Variants in EYS observed in about 807,000 individuals in gnomAD.
The protein encoded by EYS is EGF-like photoreceptor maintenance factor, also known as protein eyes shut homolog.
EYS carries 250 observed loss-of-function variants against 282.1 expected under a neutral mutation model. The ratio of observed to expected loss-of-function variants is 0.89; its 90% confidence interval spans 0.80 to 0.98. The LOEUF is 0.98. Ranked by LOEUF, EYS falls within the 50% of genes least tolerant of loss-of-function variation. The probability of loss-of-function intolerance (pLI) is 0.00; values close to 1 mark genes in which losing one functional copy is unlikely to be tolerated. For synonymous variants in EYS, 1,355 were observed against 1,282.9 expected, an observed-to-expected ratio of 1.06 and a Z score of -1.20; for missense variants, 4,016 against 3,709.0, an observed-to-expected ratio of 1.08 and a Z score of -2.15.
intron 7 of EYS, among the ~76,000 whole-genome samples, chr6:65,392,252 T>C (rs549663229): frequency 1.8e-3 from 273 of 151,768 alleles, no homozygotes; most frequent in African/African-American, 6.4e-3. Flanking sequence ...ATTCAGGACA[T>C]AGGCATGGGC....
intron 30 of EYS, among the ~76,000 whole-genome samples, chr6:64,287,141 C>T (rs1768531207): frequency 6.6e-6 from 1 of 152,052 alleles, no homozygotes; most frequent in African/African-American, 2.4e-5. Context: ...GAAAAGTAAC[C>T]TTAAAAAGCC....
intron 37 of EYS, 33 bp downstream of exon 37, chr6:63,806,157 G>A: frequency 6.6e-7 from 1 of 1,514,110 alleles, no homozygotes; most frequent in Non-Finnish European, 8.9e-7. Context: ...TTAAAGGAGC[G>A]AGGCAAGTCC....
intron 30 of EYS, among the ~76,000 whole-genome samples, chr6:64,266,958 A>G (rs1214171295): frequency 6.6e-6 from 1 of 152,192 alleles, no homozygotes; most frequent in African/African-American, 2.4e-5. Context: ...GCACTTGCTT[A>G]TGGGCTATGT....
intron 31 of EYS, among the ~76,000 whole-genome samples, chr6:64,090,332 T>C (rs1772312054): frequency 6.6e-6 from 1 of 152,166 alleles, no homozygotes; most frequent in South Asian, 2.1e-4. Context: ...AGAGCCTGAC[T>C]TAACATATTC....
Position 64,267,372 on chromosome 6 carries a change from T to A in EYS, c.6192-36548A>T, listed in dbSNP as rs376720954. Among the ~76,000 whole-genome samples the A allele has an allele frequency of 1.1e-4, 16 of 152,154 alleles. No homozygotes were observed. The East Asian group carries it at 2.7e-3, about 26-fold the overall frequency. On this transcript the variant is annotated intron_variant, in intron 30 of 42. Coordinates refer to ENST00000503581, the MANE Select transcript of EYS (RefSeq NM_001142800.2). ...TATTTGCTCTGTTATCTCTTTCCCT[T>A]CTTACTAACTCTCCCACCCATACTT...
At chr6:64,368,441 T>C (rs1440030024) in intron 29 of EYS, among the ~76,000 whole-genome samples, 1 of 152,148 alleles carries the variant, frequency 6.6e-6, no homozygotes, top group Non-Finnish European at 1.5e-5. Context: ...ATTTATATTC[T>C]TCTAGGAATC....
At chr6:64,086,946 A>T (rs1052089853) in intron 31 of EYS, among the ~76,000 whole-genome samples, 1 of 152,166 alleles carries the variant, frequency 6.6e-6, no homozygotes, top group African/African-American at 2.4e-5. Flanking sequence ...CTGCACATGC[A>T]TCAACTTTTA....
chr6:65,321,763 G>C (rs1219156864), intron 11 of EYS, among the ~76,000 whole-genome samples: 1 of 152,194 alleles, frequency 6.6e-6, no homozygotes, highest in Non-Finnish European at 1.5e-5. Context: ...GCACAAAGAT[G>C]TTGTGTGAGC....
chr6:64,536,129 A>C (rs1764510181), intron 26 of EYS, among the ~76,000 whole-genome samples: 1 of 152,142 alleles, frequency 6.6e-6, no homozygotes, highest in South Asian at 2.1e-4. Context: ...AATCACATGA[A>C]AAAGCAAATT....
At chr6:63,936,876 A>G (rs1765074557) in intron 35 of EYS, among the ~76,000 whole-genome samples, 1 of 152,172 alleles carries the variant, frequency 6.6e-6, no homozygotes, top group South Asian at 2.1e-4. Context: ...TCAGTAACAA[A>G]TAAGTTGCAA....
At chr6:64,823,385 C>A (rs1204887123) in intron 19 of EYS, among the ~76,000 whole-genome samples, 1 of 151,766 alleles carries the variant, frequency 6.6e-6, no homozygotes, top group Non-Finnish European at 1.5e-5. Context: ...AAATAAACTT[C>A]CTGTTCACAC....
chr6:65,428,746 GA>G (rs1424045943), intron 5 of EYS, among the ~76,000 whole-genome samples: 1 of 151,974 alleles, frequency 6.6e-6, no homozygotes, highest in Non-Finnish European at 1.5e-5. Context: ...AATCACTGAG[GA>G]ATTTTTTTTA....
intron 29 of EYS, among the ~76,000 whole-genome samples, chr6:64,382,498 C>A (rs906480167): frequency 6.6e-6 from 1 of 152,306 alleles, no homozygotes; most frequent in South Asian, 2.1e-4. Context: ...AAGTCTGAGG[C>A]TGATGTTTGA....
At chr6:64,764,232 C>T (rs528884496) in intron 22 of EYS, among the ~76,000 whole-genome samples, 1 of 152,354 alleles carries the variant, frequency 6.6e-6, no homozygotes, top group East Asian at 1.9e-4. Flanking sequence ...CTCCGCTTTG[C>T]AGCTGACTTC....
chr6:65,412,143 AT>A (rs775837102), intron 5 of EYS, among the ~76,000 whole-genome samples: 38 of 152,268 alleles, frequency 2.5e-4, no homozygotes, highest in Admixed American at 5.9e-4. Context: ...AAAGACAGCC[AT>A]TGACAAACCA....
chr6:64,321,894 T>A (rs75931390), intron 29 of EYS, among the ~76,000 whole-genome samples: 4,742 of 152,030 alleles, frequency 0.031, 234 homozygotes, highest in African/African-American at 0.11. Context: ...ATAGGAATAC[T>A]TTAGTTCACA....
chr6:63,931,561 G>A (rs1764895802), intron 35 of EYS, among the ~76,000 whole-genome samples: 1 of 152,118 alleles, frequency 6.6e-6, no homozygotes, highest in Non-Finnish European at 1.5e-5. Context: ...GAAGTACATG[G>A]TTCAACCCTG....
In EYS at chr6:64,813,167, C is replaced by A. The variant is rs557264847; in HGVS notation, c.3443+211G>T. ...ATGAGGGATGATTTAACTGGGAAAG[C>A]AAAACATGGGAGTGATATGAATATA... On this transcript the variant is annotated intron_variant, in intron 22 of 42. Coordinates refer to ENST00000503581, the MANE Select transcript of EYS (RefSeq NM_001142800.2). 1.0e-3 allele frequency among the ~76,000 whole-genome samples: 154 copies of A among 151,722 alleles called. 1 individual carries two copies. Among genetic ancestry groups the A allele is most frequent in the African/African-American group, 3.3e-3 (138 of 41,406 alleles).
At chr6:65,599,878 A>G (rs1765553728) in intron 2 of EYS, among the ~76,000 whole-genome samples, 1 of 152,032 alleles carries the variant, frequency 6.6e-6, no homozygotes, top group African/African-American at 2.4e-5. Flanking sequence ...CTTGAGTGCT[A>G]TGTCCTCAGA....
Sources: gnomAD v4.1 joint callset for allele counts (sites outside exome capture counted in the v4.1 genomes callset) on GRCh38, gnomAD v4.1.1 for gene constraint, MANE v1.5 for transcripts, NCBI Gene and HGNC (gene_info 2026-07-23, HGNC 2026-07-21) for gene names.